LYST: variants seen among roughly 807,000 people sequenced by gnomAD.
LYST encodes the protein lysosomal-trafficking regulator.
LYST carries 192 observed loss-of-function variants against 413.6 expected under a neutral mutation model. The observed-to-expected ratio is 0.46, with a 90% CI of 0.41 to 0.52. The LOEUF (loss-of-function observed/expected upper bound fraction) is 0.52. LYST is among the 20% of genes least tolerant of loss of function. The pLI, the probability that LYST is intolerant of heterozygous loss-of-function variation, is 0.00. For missense variants in LYST, 3,815 were observed against 4,499.9 expected, an observed-to-expected ratio of 0.85 and a Z score of 4.35; for synonymous variants, 1,525 against 1,567.3, an observed-to-expected ratio of 0.97 and a Z score of 0.64.
intron 1 of LYST, among the ~76,000 whole-genome samples, chr1:235,878,691 T>C (rs1474398390): frequency 6.6e-6 from 1 of 152,200 alleles, no homozygotes; most frequent in Non-Finnish European, 1.5e-5. Context: ...GCACCATTTT[T>C]GGAACTCAGC....
In LYST at chr1:235,806,664, T is replaced by C; in HGVS notation, c.2472A>G (p.Ile824Met). The C allele has an allele frequency of 6.2e-7, 1 of 1,613,862 alleles. No homozygotes were observed. The highest frequency in any genetic ancestry group is 1.1e-5 in the South Asian group (1 of 91,080). ...CTTTCTGTTGCTCCCCTAGGCTGAT[T>C]ATCAGAGTTTCAAATGCTTTTAGAG... ...SHSLKAFETL[I>M]ISLGEQQKDA... is the part of the protein sequence containing the mutation. Residue 824 changes from isoleucine to methionine, a missense_variant, in exon 6 of 53, where the codon ATA becomes ATG. Physicochemically the swap from Ile to Met is conservative, Grantham distance 10 (BLOSUM62 1). Coordinates refer to ENST00000389793, the MANE Select transcript of LYST (RefSeq NM_000081.4).
chr1:235,732,319 T>G (rs1328495110), intron 34 of LYST, among the ~76,000 whole-genome samples: 1 of 152,136 alleles, frequency 6.6e-6, no homozygotes, highest in Non-Finnish European at 1.5e-5. Flanking sequence ...TCTTTTTCTT[T>G]TTTGACAGGG....
chr1:235,825,779 C>T (rs1220084795), intron 3 of LYST, among the ~76,000 whole-genome samples: 1 of 151,862 alleles, frequency 6.6e-6, no homozygotes, highest in Non-Finnish European at 1.5e-5. Context: ...AGATTCAATG[C>T]CATCTTAAAT....
chr1:235,764,499 T>TC (rs965655451), intron 21 of LYST, among the ~76,000 whole-genome samples: 1 of 140,138 alleles, frequency 7.1e-6, no homozygotes, highest in South Asian at 2.4e-4. Flanking sequence ...TCTTTTCTTT[T>TC]TTTTTTTTTT....
At chr1:235,687,935 C>T (rs765742303) in intron 47 of LYST, among the ~76,000 whole-genome samples, 19 of 152,248 alleles carry the variant, frequency 1.2e-4, no homozygotes, top group Non-Finnish European at 2.5e-4. Context: ...CCCCCTTGCA[C>T]TACAAGTGTG....
chr1:235,814,440 T>C (rs1404453179), intron 3 of LYST, among the ~76,000 whole-genome samples: 1 of 152,110 alleles, frequency 6.6e-6, no homozygotes, highest in Non-Finnish European at 1.5e-5. Flanking sequence ...CTCCGGACTT[T>C]AAAGACTTAA....
At chr1:235,775,811 G>T (rs1458229199) in intron 17 of LYST, among the ~76,000 whole-genome samples, 1 of 152,082 alleles carries the variant, frequency 6.6e-6, no homozygotes, top group Non-Finnish European at 1.5e-5. Context: ...GCTGCAGGTT[G>T]CCTCTTTGGC....
chr1:235,699,968 A>G (rs532975516), intron 45 of LYST, among the ~76,000 whole-genome samples: 119 of 152,318 alleles, frequency 7.8e-4, no homozygotes, highest in African/African-American at 2.8e-3. Flanking sequence ...AACAAACCTG[A>G]TAAGAACAAG....
upstream of LYST, chr1:235,867,030 C>G (rs1004190610): frequency 2.0e-5 from 3 of 152,536 alleles, no homozygotes; most frequent in Non-Finnish European, 4.4e-5. Context: ...GCGCCCTTGG[C>G]TCCGCCTCGC....
Position 235,835,727 on chromosome 1 carries a change from T to C in LYST, c.-97-2060A>G, listed in dbSNP as rs56000670. Among the ~76,000 whole-genome samples the C allele has an allele frequency of 6.9e-3, 1,056 of 152,312 alleles. 11 individuals are homozygous for C. Among genetic ancestry groups the C allele is most frequent in the African/African-American group, 0.024 (1,008 of 41,560 alleles). ...TGTCCAGAACATCTGGAAGTATAGA[T>C]ACATTTTTAATAATGATGCCCTTAG... On this transcript the variant is annotated intron_variant, in intron 1 of 52. Coordinates refer to ENST00000389793, the MANE Select transcript of LYST (RefSeq NM_000081.4).
At chr1:235,805,663 A>G in intron 6 of LYST, 80 bp downstream of exon 6, 1 of 646,574 alleles carries the variant, frequency 1.5e-6, no homozygotes, top group Non-Finnish European at 2.5e-6. Context: ...AATACATATT[A>G]CATTTTTTAT....
rs766092229 is a variant in LYST at position 235,759,357 on chromosome 1, T to C, written c.6496A>G (p.Ser2166Gly). ...LKKGKEDAFISSCESAKTVCE... is the reference protein window; with the variant it reads ...LKKGKEDAFIGSCESAKTVCE... ...ACAGTTTTTGCAGACTCACAGCTACTGATGAATGCGTCCTCTTTGCCTTTT... is the reference window on the plus strand; with the variant it reads ...ACAGTTTTTGCAGACTCACAGCTACCGATGAATGCGTCCTCTTTGCCTTTT... The change falls in exon 23 of 53, where the codon AGT becomes GGT. Residue 2166 changes from serine (S) to glycine (G), a missense_variant. Coordinates refer to ENST00000389793, the MANE Select transcript of LYST (RefSeq NM_000081.4). The C allele has an allele frequency of 2.5e-6, 4 of 1,614,114 alleles. No individual in the cohort carries two copies. Among genetic ancestry groups the C allele is most frequent in the African/African-American group, 1.3e-5 (1 of 74,958 alleles).
intron 1 of LYST, among the ~76,000 whole-genome samples, chr1:235,851,687 A>G (rs1482916548): frequency 6.6e-6 from 1 of 152,000 alleles, no homozygotes; most frequent in East Asian, 1.9e-4. Flanking sequence ...TTTATAATCT[A>G]TTTTATAGTG....
At chr1:235,829,529 C>T (rs573429796) in intron 3 of LYST, 2 of 152,128 alleles carry the variant, frequency 1.3e-5, no homozygotes, top group Admixed American at 6.5e-5. Flanking sequence ...TTTACGATCA[C>T]AAAATAATTA....
intron 50 of LYST, among the ~76,000 whole-genome samples, chr1:235,666,674 T>C (rs1439912654): frequency 6.6e-6 from 1 of 151,710 alleles, no homozygotes; most frequent in Admixed American, 6.6e-5. Context: ...TTGTAGAACA[T>C]TGATTATATC....
intron 12 of LYST, among the ~76,000 whole-genome samples, chr1:235,789,488 A>G (rs1670777035): frequency 6.6e-6 from 1 of 152,174 alleles, no homozygotes; most frequent in Non-Finnish European, 1.5e-5. Flanking sequence ...GCACTGCCTG[A>G]AGATGTATGA....
At chr1:235,783,772 C>T (rs561687723) in intron 14 of LYST, among the ~76,000 whole-genome samples, 2 of 152,096 alleles carry the variant, frequency 1.3e-5, no homozygotes, top group South Asian at 4.2e-4. Context: ...ATATTTCTGC[C>T]ATATTTGTAA....
In LYST at chr1:235,790,834, G is replaced by A. The variant is rs535509187; in HGVS notation, c.4543+865C>T. On this transcript the variant is annotated intron_variant, in intron 12 of 52. Coordinates refer to ENST00000389793, the MANE Select transcript of LYST (RefSeq NM_000081.4). ...GAACTGGAATGAAATTTATTCTAAT[G>A]TTGGAGAATGGCTGATGCATTTAAA... 2.0e-5 allele frequency among the ~76,000 whole-genome samples: 3 copies of A among 152,304 alleles called. 1 individual carries two copies. The highest frequency in any genetic ancestry group is 7.2e-5 in the African/African-American group (3 of 41,564).
At chr1:235,667,261 T>C (rs557126948) in intron 50 of LYST, among the ~76,000 whole-genome samples, 13 of 152,334 alleles carry the variant, frequency 8.5e-5, no homozygotes, top group Admixed American at 5.9e-4. Context: ...TAGAATATTT[T>C]ACTAACTCTA....
Sources: allele counts gnomAD v4.1 joint callset (sites outside exome capture counted in the v4.1 genomes callset), GRCh38; gene constraint gnomAD v4.1.1; transcripts MANE v1.5; gene names NCBI Gene and HGNC (gene_info 2026-07-23, HGNC 2026-07-21).